MGST1: variants seen among roughly 807,000 people sequenced by gnomAD.
MGST1 encodes microsomal glutathione S-transferase 1.
In MGST1, 5 loss-of-function variants were observed where a neutral mutation model predicts 8.9. That is an observed-to-expected ratio of 0.56 (90% CI 0.29 to 1.19). MGST1 has a LOEUF of 1.19. MGST1 is among the 50% of genes most tolerant of loss of function. The probability of loss-of-function intolerance (pLI) is 0.08; values close to 1 mark genes in which losing one functional copy is unlikely to be tolerated. For synonymous variants in MGST1, 54 were observed against 67.8 expected, an observed-to-expected ratio of 0.80 and a Z score of 1.00; for missense variants, 182 against 187.4, an observed-to-expected ratio of 0.97 and a Z score of 0.17.
intron 1 of MGST1, among the ~76,000 whole-genome samples, chr12:16,417,705 A>T (rs1489617758): frequency 1.3e-5 from 2 of 152,128 alleles, no homozygotes. Flanking sequence ...AATACCTCTA[A>T]CTTATGGTAG....
At chr12:16,541,574 G>C (rs1283873233) in intron 4 of MGST1, among the ~76,000 whole-genome samples, 1 of 152,072 alleles carries the variant, frequency 6.6e-6, no homozygotes, top group Non-Finnish European at 1.5e-5. Flanking sequence ...ACATTCTAAT[G>C]GAAATACTAA....
Position 16,354,215 on chromosome 12 carries a change from T to C in MGST1, c.-22-16T>C. 6.5e-7 allele frequency: 1 copy of C among 1,549,042 alleles called. No individual in the cohort carries two copies. Among genetic ancestry groups the C allele is most frequent in the Non-Finnish European group, 8.7e-7 (1 of 1,149,974 alleles). On this transcript the variant is annotated splice_polypyrimidine_tract_variant and intron_variant, in intron 1 of 3. Coordinates refer to ENST00000396210, the MANE Select transcript of MGST1 (RefSeq NM_020300.5). ...TTTATGTCTGCTTTTTCCCATTTTA[T>C]TTAAATCTTTTTAAGATTCCAGACC... is the stretch of plus-strand genomic sequence containing the variant.
chr12:16,565,680 T>C (rs1235537065), intron 4 of MGST1, among the ~76,000 whole-genome samples: 1 of 152,040 alleles, frequency 6.6e-6, no homozygotes, highest in Non-Finnish European at 1.5e-5. Flanking sequence ...TCATGGATGA[T>C]TTTGAATTTT....
rs1182495007 is a variant in MGST1, at chr12:16,559,823, A to G, written n.483-29705A>G. Among the ~76,000 whole-genome samples the G allele has an allele frequency of 6.6e-6, 1 of 151,238 alleles. No individual in the cohort carries two copies. The highest frequency in any genetic ancestry group is 1.5e-5 in the Non-Finnish European group (1 of 67,864). ...GAAAAAAAAAAAAAATTAGCCAGGC[A>G]TGGGAGTGCACACCTGTACTCCCAG... On this transcript the variant is annotated intron_variant and non_coding_transcript_variant, in intron 4 of 4. Coordinates refer to the MGST1 transcript ENST00000538857. The surrounding 1 kb of genome is among the most constrained non-coding windows in gnomAD (Gnocchi z 4.1).
Position 16,458,979 on chromosome 12 carries a change from G to A in MGST1, n.482+75375G>A, listed in dbSNP as rs1008149366. On this transcript the variant is annotated intron_variant and non_coding_transcript_variant, in intron 4 of 4. Transcript: ENST00000538857. This position sits in a 1 kb window ranked among gnomAD's most constrained non-coding sequence, Gnocchi z 4.0. ...TCTGAGGCAGAATTTCATACCCAGA[G>A]CACTGCTGAGCCTTGTTAGCAACCC... is the stretch of plus-strand genomic sequence containing the variant. Among the ~76,000 whole-genome samples the A allele has an allele frequency of 5.8e-4, 88 of 151,974 alleles. No individual in the cohort carries two copies. Among genetic ancestry groups the A allele is most frequent in the African/African-American group, 2.0e-3 (83 of 41,404 alleles).
At chr12:16,557,215 TA>T (rs1370807365) in intron 4 of MGST1, among the ~76,000 whole-genome samples, 1 of 152,130 alleles carries the variant, frequency 6.6e-6, no homozygotes, top group Non-Finnish European at 1.5e-5. Flanking sequence ...ATGGATAAAA[TA>T]GGTAACCCTA....
intron 1 of MGST1, among the ~76,000 whole-genome samples, chr12:16,390,787 A>G (rs887230770): frequency 6.6e-6 from 1 of 151,986 alleles, no homozygotes; most frequent in East Asian, 1.9e-4. Flanking sequence ...GTATGTCTTT[A>G]TAGTAGAATT....
rs766790789 is a variant in MGST1, at chr12:16,582,325, T to A, written n.483-7203T>A. On this transcript the variant is annotated intron_variant and non_coding_transcript_variant, in intron 4 of 4. Coordinates refer to the MGST1 transcript ENST00000538857. This position sits in a 1 kb window ranked among gnomAD's most constrained non-coding sequence, Gnocchi z 4.1. ...CATTCTCTGAATTCTAGAAAACATC[T>A]TACCTGTTCCTATAGTATTATTCAT... Among the ~76,000 whole-genome samples, 1 of 152,202 alleles carries A rather than the reference T, an allele frequency of 6.6e-6. No homozygotes were observed. The highest frequency in any genetic ancestry group is 1.5e-5 in the Non-Finnish European group (1 of 68,032).
Position 16,499,643 on chromosome 12 carries a change from G to GTT in MGST1, n.483-89875_483-89874dup, listed in dbSNP as rs112143393. ...AGTCCAAATTCTGAAACCCAGAAGA[G>GTT]TTTTTTTTTTTCTCTCTACACCATT... On this transcript the variant is annotated intron_variant and non_coding_transcript_variant, in intron 4 of 4. Coordinates refer to the MGST1 transcript ENST00000538857. Among the ~76,000 whole-genome samples, 1,352 of 146,346 alleles carry GTT rather than the reference G, an allele frequency of 9.2e-3. 17 individuals carry two copies. The highest frequency in any genetic ancestry group is 0.033 in the African/African-American group (1,251 of 38,328).
intron 4 of MGST1, among the ~76,000 whole-genome samples, chr12:16,449,211 G>T (rs1382025549): frequency 6.6e-6 from 1 of 151,880 alleles, no homozygotes; most frequent in Non-Finnish European, 1.5e-5. Context: ...TTCTCGTGAG[G>T]GTCTCAGGGG....
At chr12:16,533,211 T>C (rs900759199) in intron 4 of MGST1, among the ~76,000 whole-genome samples, 1 of 152,304 alleles carries the variant, frequency 6.6e-6, no homozygotes, top group Admixed American at 6.5e-5. Context: ...TTTTGTTCAT[T>C]TCACTAGAAT....
rs12426627 is a variant in MGST1 at position 16,589,272 on chromosome 12, A to G, written n.483-256A>G. ...GCATCCTAATAGGAATACATAAGTT[A>G]TCTGCCACTGATGATCATTGATGGA... On this transcript the variant is annotated intron_variant and non_coding_transcript_variant, in intron 4 of 4. Coordinates refer to the MGST1 transcript ENST00000538857. The surrounding 1 kb of genome is among the most constrained non-coding windows in gnomAD (Gnocchi z 4.2). 1.9e-3 allele frequency among the ~76,000 whole-genome samples: 290 copies of G among 152,246 alleles called. 4 individuals are homozygous for G. Among genetic ancestry groups the G allele is most frequent in the East Asian group, 0.013 (65 of 5,172 alleles).
chr12:16,357,728 CTTT>C (rs1939787404), intron 3 of MGST1, 29 bp downstream of exon 3: 1 of 1,581,544 alleles, frequency 6.3e-7, no homozygotes, highest in African/African-American at 1.4e-5. Flanking sequence ...AAATTACTTA[CTTT>C]ATGAAACAAT....
chr12:16,508,689 C>T (rs190468633), intron 4 of MGST1, among the ~76,000 whole-genome samples: 61 of 152,208 alleles, frequency 4.0e-4, no homozygotes, highest in African/African-American at 2.2e-4. Flanking sequence ...TGCTGGACTG[C>T]GCAAAGATGG....
rs368646957 is a variant in MGST1, at chr12:16,373,497, ATAT to A, written c.222-2621_222-2619del. Among the ~76,000 whole-genome samples the A allele has an allele frequency of 2.0e-4, 30 of 152,182 alleles. No homozygotes were observed. In the East Asian group the frequency reaches 3.9e-3, roughly 20 times the overall value. On this transcript the variant is annotated intron_variant, in intron 3 of 3. Transcript: ENST00000535309. ...TAGATTATAATATGATTGTATCAAG[ATAT>A]TATATGTATCCCGTGTGATAACTGT...
rs1941620486 is a variant in MGST1, at chr12:16,517,133, A to T, written n.483-72395A>T. Among the ~76,000 whole-genome samples the T allele has an allele frequency of 6.6e-6, 1 of 152,188 alleles. No individual in the cohort carries two copies. The highest frequency in any genetic ancestry group is 1.5e-5 in the Non-Finnish European group (1 of 68,030). ...GAGAAGCGATATGCAAAGTCATTGG[A>T]AGGAAGCTGAATGGCTCCTAGGCCA... On this transcript the variant is annotated intron_variant and non_coding_transcript_variant, in intron 4 of 4. Transcript: ENST00000538857. This position sits in a 1 kb window ranked among gnomAD's most constrained non-coding sequence, Gnocchi z 4.2.
chr12:16,416,599 C>T (rs1940789936), intron 1 of MGST1, among the ~76,000 whole-genome samples: 1 of 152,024 alleles, frequency 6.6e-6, no homozygotes, highest in Admixed American at 6.6e-5. Flanking sequence ...GAGCACCAAC[C>T]CCATCATGAG....
At chr12:16,569,110 GCAA>G (rs1942721977) in intron 4 of MGST1, among the ~76,000 whole-genome samples, 2 of 152,234 alleles carry the variant, frequency 1.3e-5, no homozygotes, top group Admixed American at 6.5e-5. Context: ...CATGAAGACA[GCAA>G]CAACAATATG....
At chr12:16,580,613 GATCATAGTCTAAAAA>G (rs1412612668) in intron 4 of MGST1, among the ~76,000 whole-genome samples, 1 of 152,046 alleles carries the variant, frequency 6.6e-6, no homozygotes, top group Non-Finnish European at 1.5e-5. Context: ...GAAAAATGTA[GATCATAGTCTAAAAA>G]ATTAGGTTAC....
Sources: gnomAD v4.1 joint callset for allele counts (sites outside exome capture counted in the v4.1 genomes callset) on GRCh38, gnomAD v4.1.1 for gene constraint, Gnocchi (gnomAD v3.1) non-coding constraint, MANE v1.5 for transcripts, NCBI Gene and HGNC (gene_info 2026-07-23, HGNC 2026-07-21) for gene names.